PDE4D: variants seen among roughly 807,000 people sequenced by gnomAD.
The protein encoded by PDE4D is 3',5'-cyclic-AMP phosphodiesterase 4D.
PDE4D carries 24 observed loss-of-function variants against 87.4 expected under a neutral mutation model. The observed-to-expected ratio is 0.27, with a 90% CI of 0.20 to 0.39. PDE4D has a LOEUF of 0.39. Among genes scored for constraint, PDE4D ranks in the 10% least tolerant of loss-of-function variants. The pLI is 1.00. For synonymous variants in PDE4D, 384 were observed against 383.2 expected, an observed-to-expected ratio of 1.00 and a Z score of -0.02; for missense variants, 714 against 1,041.0, an observed-to-expected ratio of 0.69 and a Z score of 4.32.
chr5:59,818,126 C>T lies in PDE4D; in HGVS notation c.455+75042G>A, dbSNP rs973687334. On this transcript the variant is annotated intron_variant, in intron 1 of 14. Transcript: ENST00000340635. ...GAGTTTAAGAATGGCAACACTCAGG[C>T]ATGGCAGGGTTTGTCCTTAGAAGCA... Among the ~76,000 whole-genome samples, 32 of 152,306 alleles carry T rather than the reference C, an allele frequency of 2.1e-4. 1 individual carries two copies. The highest frequency in any genetic ancestry group is 7.5e-4 in the African/African-American group (31 of 41,556).
Position 59,919,639 on chromosome 5 carries a change from ACCAC to A in PDE4D, c.272+68845_272+68848del, listed in dbSNP as rs1416376928. 2.0e-5 allele frequency among the ~76,000 whole-genome samples: 3 copies of A among 152,156 alleles called. No individual in the cohort carries two copies. The East Asian group carries it at 5.8e-4, about 29-fold the overall frequency. The stretch of plus-strand genomic sequence containing the variant: ...AGTGCTTGAAGAGCACTCCATGCAA[ACCAC>A]TGAACCTGGTAATCATGCACCATCT... On this transcript the variant is annotated intron_variant, in intron 3 of 16. Transcript: ENST00000502484.
At position 60,460,764 on chromosome 5, in the gene PDE4D, G is replaced by C. The variant is rs181472201; in HGVS notation, c.-90+27178C>G. Reference sequence around the variant, plus strand: ...TGCTGCTAGGGAAGTCCAAGAACCAGACCACAAGTCTCCTTGCTCATCCGG... The same window carrying C: ...TGCTGCTAGGGAAGTCCAAGAACCACACCACAAGTCTCCTTGCTCATCCGG... On this transcript the variant is annotated intron_variant, in intron 1 of 16. Coordinates refer to the PDE4D transcript ENST00000502484. The C allele has an allele frequency of 1.9e-4, 118 of 616,402 alleles. 3 individuals carry two copies. In the East Asian group the frequency reaches 3.1e-3, roughly 16 times the overall value. 38.2% of individuals were successfully genotyped at this position (616,402 alleles called of 1,614,324 possible).
At chr5:60,146,586 C>G (rs1461877304) in intron 2 of PDE4D, among the ~76,000 whole-genome samples, 1 of 152,066 alleles carries the variant, frequency 6.6e-6, no homozygotes, top group African/African-American at 2.4e-5. Flanking sequence ...CTACTCAATA[C>G]AAAGGTGTAT....
At chr5:59,979,888 T>G (rs919111358) in intron 3 of PDE4D, among the ~76,000 whole-genome samples, 4 of 152,142 alleles carry the variant, frequency 2.6e-5, no homozygotes, top group Non-Finnish European at 5.9e-5. Flanking sequence ...TTCTATAGTT[T>G]TTTTCTATAT....
At chr5:60,144,081 T>A (rs2149426583) in intron 2 of PDE4D, among the ~76,000 whole-genome samples, 1 of 152,284 alleles carries the variant, frequency 6.6e-6, no homozygotes, top group South Asian at 2.1e-4. Context: ...GCTGACCCTA[T>A]CATGTACATC....
At chr5:59,674,087 A>C (rs1478021780) in intron 1 of PDE4D, among the ~76,000 whole-genome samples, 1 of 152,224 alleles carries the variant, frequency 6.6e-6, no homozygotes, top group Admixed American at 6.5e-5. Flanking sequence ...AAATATTTAA[A>C]AACACAGAGG....
At chr5:60,049,488 T>G (rs1328356135) in intron 2 of PDE4D, among the ~76,000 whole-genome samples, 1 of 152,226 alleles carries the variant, frequency 6.6e-6, no homozygotes, top group African/African-American at 2.4e-5. Context: ...TTTCCCCATT[T>G]TTGTGGTTTT....
intron 1 of PDE4D, among the ~76,000 whole-genome samples, chr5:59,689,506 G>A (rs1043228109): frequency 2.0e-5 from 3 of 152,116 alleles, no homozygotes; most frequent in African/African-American, 7.2e-5. Flanking sequence ...AAAGGCGTTT[G>A]ACAAAATTCA....
intron 1 of PDE4D, among the ~76,000 whole-genome samples, chr5:59,759,601 G>A (rs1310158061): frequency 2.6e-5 from 4 of 152,082 alleles, no homozygotes; most frequent in Admixed American, 6.6e-5. Flanking sequence ...TTTTGATTTC[G>A]TGGAAAGCCA....
intron 1 of PDE4D, among the ~76,000 whole-genome samples, chr5:59,801,606 T>G (rs1767134084): frequency 6.6e-6 from 1 of 152,182 alleles, no homozygotes; most frequent in African/African-American, 2.4e-5. Context: ...TCCAAACCAG[T>G]GGAATAGACA....
At chr5:59,187,196 C>G (rs577434508) in intron 3 of PDE4D, among the ~76,000 whole-genome samples, 2 of 152,110 alleles carry the variant, frequency 1.3e-5, no homozygotes, top group East Asian at 3.9e-4. Context: ...AAAATTAGTT[C>G]ATCAAAGAAA....
intron 1 of PDE4D, among the ~76,000 whole-genome samples, chr5:59,336,523 A>G (rs1329126724): frequency 1.3e-5 from 2 of 152,184 alleles, no homozygotes; most frequent in Non-Finnish European, 2.9e-5. Flanking sequence ...TTAGCTGTGA[A>G]GGCCAGGCAT....
At chr5:59,538,813 C>T (rs1815756658) in intron 1 of PDE4D, among the ~76,000 whole-genome samples, 1 of 152,176 alleles carries the variant, frequency 6.6e-6, no homozygotes, top group Non-Finnish European at 1.5e-5. Flanking sequence ...TTCTCCAGAG[C>T]ATGTGCAACT....
At chr5:59,069,303 T>G (rs967368972) in intron 5 of PDE4D, among the ~76,000 whole-genome samples, 1 of 152,198 alleles carries the variant, frequency 6.6e-6, no homozygotes, top group African/African-American at 2.4e-5. Flanking sequence ...CTTCACAGCA[T>G]TGAACAAAAG....
chr5:59,032,030 T>G (rs944147249), intron 6 of PDE4D, among the ~76,000 whole-genome samples: 1 of 152,166 alleles, frequency 6.6e-6, no homozygotes, highest in East Asian at 1.9e-4. Context: ...TTGCACTGCA[T>G]GGAGACCCCA....
At chr5:59,709,556 T>C (rs1272239732) in intron 1 of PDE4D, among the ~76,000 whole-genome samples, 1 of 152,184 alleles carries the variant, frequency 6.6e-6, no homozygotes, top group African/African-American at 2.4e-5. Flanking sequence ...AGCTGCTCTT[T>C]AGTCACAAAC....
In PDE4D at chr5:59,258,000, G is replaced by A. The variant is rs527665609; in HGVS notation, c.456-42032C>T. ...GTAGGTAGGAAACCCATCATTTCAC[G>A]TTGTCCAACTTTTCACTGGAAATCT... On this transcript the variant is annotated intron_variant, in intron 1 of 14. Coordinates refer to ENST00000340635, the MANE Select transcript of PDE4D (RefSeq NM_001104631.2). Among the ~76,000 whole-genome samples, 15 of 151,990 alleles carry A rather than the reference G, an allele frequency of 9.9e-5. 1 individual carries two copies. The South Asian group carries it at 1.7e-3, about 17-fold the overall frequency.
At chr5:59,172,491 TC>T (rs1286932261) in intron 5 of PDE4D, among the ~76,000 whole-genome samples, 1 of 148,840 alleles carries the variant, frequency 6.7e-6, no homozygotes, top group African/African-American at 2.5e-5. Flanking sequence ...GCCTAGGAGT[TC>T]CAGATCAGCC....
chr5:59,709,710 G>C (rs1285025086), intron 1 of PDE4D, among the ~76,000 whole-genome samples: 1 of 152,194 alleles, frequency 6.6e-6, no homozygotes, highest in Non-Finnish European at 1.5e-5. Context: ...CTACTGAGGG[G>C]AGGAGGAGAC....
Sources: gnomAD v4.1 joint callset for allele counts (sites outside exome capture counted in the v4.1 genomes callset) on GRCh38, gnomAD v4.1.1 for gene constraint, MANE v1.5 for transcripts, NCBI Gene and HGNC (gene_info 2026-07-23, HGNC 2026-07-21) for gene names.